The following FAM161A variants were observed in gnomAD, a reference collection of about 807,000 sequenced individuals.
FAM161A encodes protein FAM161A.
A neutral mutation model predicts 70.9 loss-of-function variants in FAM161A; 57 were observed. That is an observed-to-expected ratio of 0.80 (90% CI 0.65 to 1.00). FAM161A has a LOEUF of 1.00. Among genes scored for constraint, FAM161A ranks in the 50% least tolerant of loss-of-function variants. FAM161A has a pLI of 0.00. For missense variants in FAM161A, 880 were observed against 836.0 expected, an observed-to-expected ratio of 1.05 and a Z score of -0.65; for synonymous variants, 299 against 295.7, an observed-to-expected ratio of 1.01 and a Z score of -0.12.
chr2:61,825,126 C>T lies in FAM161A; in HGVS notation c.*1329G>A. 1 of 446,020 alleles carries T rather than the reference C, an allele frequency of 2.2e-6. No homozygotes were observed. Among genetic ancestry groups the T allele is most frequent in the Non-Finnish European group, 4.5e-6 (1 of 224,012 alleles). The allele number at this position is 446,020 out of a possible 1,614,324, so 27.6% of individuals were successfully genotyped here. A position where few individuals can be genotyped will look rare whatever the true frequency, so the allele number is the denominator to read the frequency against. ...TTACATACACCTGTATTAGTTCATC[C>T]TTTTAAAATGATGCTGATTGTTTTT... is the stretch of plus-strand genomic sequence containing the variant. On this transcript the variant is annotated 3_prime_UTR_variant, in exon 7 of 7. Transcript: ENST00000404929.
chr2:61,846,579 T>A (rs1240275275), intron 1 of FAM161A, among the ~76,000 whole-genome samples: 2 of 152,218 alleles, frequency 1.3e-5, no homozygotes, highest in Non-Finnish European at 2.9e-5. Context: ...GTAAAGTAGG[T>A]GTGCCAGGTG....
intron 1 of FAM161A, among the ~76,000 whole-genome samples, chr2:61,849,900 G>C (rs1673437498): frequency 6.7e-6 from 1 of 150,176 alleles, no homozygotes; most frequent in Non-Finnish European, 1.5e-5. Flanking sequence ...TCTCATAAGT[G>C]GCAGGTAAAA....
At position 61,838,875 on chromosome 2, in the gene FAM161A, TA is replaced by T. The variant is rs1558482241; in HGVS notation, c.1584-171del. Among the ~76,000 whole-genome samples the T allele has an allele frequency of 5.6e-5, 8 of 142,672 alleles. No individual in the cohort carries two copies. In the East Asian group the frequency reaches 1.2e-3, roughly 21 times the overall value. 93.6% of individuals were successfully genotyped at this position (142,672 alleles called of 152,430 possible). On this transcript the variant is annotated intron_variant, in intron 3 of 6. Coordinates refer to ENST00000404929, the MANE Select transcript of FAM161A (RefSeq NM_001201543.2). ...AGAAATATTTATTTATTTATTTATT[TA>T]TTTATTTATTTATTTATTTTTTTTG... is the stretch of plus-strand genomic sequence containing the variant.
downstream of FAM161A, among the ~76,000 whole-genome samples, chr2:61,823,486 TC>T (rs1292966685): frequency 6.6e-6 from 1 of 151,370 alleles, no homozygotes; most frequent in East Asian, 1.9e-4. Flanking sequence ...CACCTTAGCT[TC>T]CCGAGTATCT....
chr2:61,853,868 A>C lies in FAM161A; in HGVS notation c.174T>G (p.Ala58=). The stretch of plus-strand genomic sequence containing the variant: ...CCCGCCCCAGTATTACCGATGCCCC[A>C]GCGGGCTGAGCCACTTTCTCCTCCT... ...DEEEEKVAQP[A]GASADLNTSF... is the part of the protein sequence containing the mutation. The change falls in exon 1 of 7, where the codon GCT becomes GCG. Residue 58 remains alanine, a synonymous_variant. Coordinates refer to ENST00000404929, the MANE Select transcript of FAM161A (RefSeq NM_001201543.2). The C allele has an allele frequency of 6.2e-7, 1 of 1,613,898 alleles. No individual in the cohort carries two copies. The highest frequency in any genetic ancestry group is 8.5e-7 in the Non-Finnish European group (1 of 1,179,806).
downstream of FAM161A, among the ~76,000 whole-genome samples, chr2:61,822,645 G>A (rs189729317): frequency 6.6e-6 from 1 of 152,216 alleles, no homozygotes; most frequent in Admixed American, 6.5e-5. Context: ...AGAGTGCAGT[G>A]GCACAATCTC....
chr2:61,831,307 C>A (rs1213976069), intron 5 of FAM161A, among the ~76,000 whole-genome samples: 1 of 151,644 alleles, frequency 6.6e-6, no homozygotes, highest in African/African-American at 2.4e-5. Flanking sequence ...TTGGAACAAG[C>A]CTCGCATGTC....
At chr2:61,819,145 C>T in the FAM161A span, among the ~76,000 whole-genome samples, 1 of 152,008 alleles carries the variant, frequency 6.6e-6, no homozygotes, top group Admixed American at 6.6e-5. Flanking sequence ...AAATGAAAGA[C>T]AAAAAAGGCA....
chr2:61,808,274 ATTT>A, the FAM161A span, among the ~76,000 whole-genome samples: 5 of 142,088 alleles, frequency 3.5e-5, no homozygotes, highest in East Asian at 2.1e-4. Flanking sequence ...TATTATTATT[ATTT>A]TTTTTTTTTT....
In FAM161A at chr2:61,827,186, C is replaced by A. The variant is rs1190008419; in HGVS notation, c.1924G>T (p.Val642Phe). The A allele has an allele frequency of 6.2e-7, 1 of 1,613,876 alleles. No individual in the cohort carries two copies. The highest frequency in any genetic ancestry group is 2.2e-5 in the East Asian group (1 of 44,864). ...TTTCCACTTTGGCCTTTCTTTGAAA[C>A]AAACTCATCAGATATTCCTAGTGCT... is the stretch of plus-strand genomic sequence containing the variant. Reference protein sequence around the residue: ...LKALGISDEFVSKKGQSGKVL... With the variant: ...LKALGISDEFFSKKGQSGKVL... The change falls in exon 6 of 7, where the codon GTT becomes TTT. Residue 642 changes from valine to phenylalanine, a missense_variant. Val to Phe is a conservative substitution (Grantham distance 50). Transcript: ENST00000404929.
rs1558491519 is a variant in FAM161A, at chr2:61,848,852, A to ATATATATATT, written c.183+4997_183+5006dup. 8.4e-3 allele frequency among the ~76,000 whole-genome samples: 34 copies of ATATATATATT among 4,040 alleles called. 13 individuals carry two copies. Among genetic ancestry groups the ATATATATATT allele is most frequent in the African/African-American group, 0.024 (28 of 1,176 alleles). 2.7% of individuals were successfully genotyped at this position (4,040 alleles called of 152,430 possible). On this transcript the variant is annotated intron_variant, in intron 1 of 6. Coordinates refer to ENST00000404929, the MANE Select transcript of FAM161A (RefSeq NM_001201543.2). ...TCTATATATATTTATATATATATTT[A>ATATATATATT]TATATATATTTATATATATATTTAT... is the stretch of plus-strand genomic sequence containing the variant.
Position 61,825,224 on chromosome 2 carries a change from G to GA in FAM161A, c.*1230dup. The GA allele has an allele frequency of 2.3e-6, 1 of 437,794 alleles. No individual in the cohort carries two copies. The highest frequency in any genetic ancestry group is 1.7e-5 in the South Asian group (1 of 59,370). The allele number at this position is 437,794 out of a possible 1,614,324, so 27.1% of individuals were successfully genotyped here. On this transcript the variant is annotated 3_prime_UTR_variant, in exon 7 of 7. Coordinates refer to ENST00000404929, the MANE Select transcript of FAM161A (RefSeq NM_001201543.2). Reference sequence around the variant, plus strand: ...ATTTTAAAACAAAAATTTGCTTAAAGAAAAAAATATAGATTTATAAAATCA... The same window carrying GA: ...ATTTTAAAACAAAAATTTGCTTAAAGAAAAAAAATATAGATTTATAAAATCA...
At chr2:61,801,224 G>T in the FAM161A span, among the ~76,000 whole-genome samples, 1 of 151,902 alleles carries the variant, frequency 6.6e-6, no homozygotes, top group Admixed American at 6.6e-5. Flanking sequence ...TTGGCCAGGC[G>T]CAGTGGTTCA....
rs982682980 is a variant in FAM161A, at chr2:61,841,245, T to C, written c.423-664A>G. 4.5e-4 allele frequency among the ~76,000 whole-genome samples: 69 copies of C among 152,164 alleles called. 1 individual carries two copies. Among genetic ancestry groups the C allele is most frequent in the South Asian group, 2.1e-4 (1 of 4,818 alleles). On this transcript the variant is annotated intron_variant, in intron 2 of 6. Coordinates refer to ENST00000404929, the MANE Select transcript of FAM161A (RefSeq NM_001201543.2). ...CACTGCTACGAAGTCAAGCCTAGAT[T>C]ACAAGCCCTTCGAGACTGGCGCCTA...
At chr2:61,819,474 G>A in the FAM161A span, among the ~76,000 whole-genome samples, 1 of 152,016 alleles carries the variant, frequency 6.6e-6, no homozygotes, top group Non-Finnish European at 1.5e-5. Flanking sequence ...AAACAAAAAA[G>A]CCAATACAAC....
chr2:61,811,372 A>C, the FAM161A span, among the ~76,000 whole-genome samples: 1 of 151,258 alleles, frequency 6.6e-6, no homozygotes, highest in Admixed American at 6.6e-5. Context: ...TAATTTTTTT[A>C]TTTTATTTAT....
the FAM161A span, among the ~76,000 whole-genome samples, chr2:61,812,870 C>A: frequency 6.6e-6 from 1 of 151,900 alleles, no homozygotes; most frequent in Admixed American, 6.6e-5. Flanking sequence ...GAGATCAAGA[C>A]CATGCTGGCT....
intron 3 of FAM161A, among the ~76,000 whole-genome samples, 187 bp from the exon 4 acceptor site, chr2:61,838,892 A>ATTTATTTTTTTTTTT (rs747578151): frequency 7.7e-6 from 1 of 130,278 alleles, no homozygotes; most frequent in African/African-American, 2.7e-5. Context: ...TTATTTATTT[A>ATTTATTTTTTTTTTT]TTTTTTTTGA....
the FAM161A span, among the ~76,000 whole-genome samples, chr2:61,814,767 C>T: frequency 3.3e-5 from 5 of 152,210 alleles, no homozygotes; most frequent in Non-Finnish European, 7.3e-5. Flanking sequence ...CATGAATATT[C>T]ACAGCTCCTC....
Sources: allele counts gnomAD v4.1 joint callset (sites outside exome capture counted in the v4.1 genomes callset), GRCh38; gene constraint gnomAD v4.1.1; transcripts MANE v1.5; gene names NCBI Gene and HGNC (gene_info 2026-07-23, HGNC 2026-07-21).